The following ENTREP2 variants were observed in gnomAD, a reference collection of about 807,000 sequenced individuals.
The protein encoded by ENTREP2 is protein ENTREP2.
chr15:29,624,071 G>T, the ENTREP2 span, among the ~76,000 whole-genome samples: 1 of 152,158 alleles, frequency 6.6e-6, no homozygotes, highest in Non-Finnish European at 1.5e-5. Flanking sequence ...AGTTATAAAG[G>T]TAATTGTAAC....
chr15:29,622,154 G>A, the ENTREP2 span, among the ~76,000 whole-genome samples: 1 of 152,208 alleles, frequency 6.6e-6, no homozygotes, highest in African/African-American at 2.4e-5. Context: ...CACTGTGAAT[G>A]TATTTAACAC....
At chr15:29,393,737 TTTA>T in the ENTREP2 span, among the ~76,000 whole-genome samples, 1 of 78,924 alleles carries the variant, frequency 1.3e-5, no homozygotes, top group East Asian at 3.6e-4. Flanking sequence ...AGAGGCTACT[TTTA>T]TTTTTTTTTA....
the ENTREP2 span, among the ~76,000 whole-genome samples, chr15:29,608,639 C>CCGCCTCCCAGGTT: frequency 1.5e-3 from 223 of 151,474 alleles, 1 homozygote; most frequent in Admixed American, 0.014. Flanking sequence ...ACTGCAAGCT[C>CCGCCTCCCAGGTT]CGCCTCCCAG....
chr15:29,234,835 C>T, the ENTREP2 span: 1 of 1,431,236 alleles, frequency 7.0e-7, no homozygotes, highest in Non-Finnish European at 9.9e-7. Context: ...AAGGTAAGAA[C>T]TTTGCATTAG....
chr15:29,523,276 C>T, the ENTREP2 span, among the ~76,000 whole-genome samples: 1 of 152,166 alleles, frequency 6.6e-6, no homozygotes, highest in Non-Finnish European at 1.5e-5. Context: ...AATCAATACA[C>T]AGAAATCTGA....
At chr15:29,120,638 C>T in the ENTREP2 span, 5 of 152,294 alleles carry the variant, frequency 3.3e-5, no homozygotes, top group African/African-American at 1.2e-4. Flanking sequence ...GTGCCAACCC[C>T]CTTTGGGTCT....
the ENTREP2 span, among the ~76,000 whole-genome samples, chr15:29,351,864 C>T: frequency 6.6e-6 from 1 of 151,858 alleles, no homozygotes; most frequent in African/African-American, 2.4e-5. Context: ...GTTGCCAACT[C>T]TTGGTCTCAA....
the ENTREP2 span, among the ~76,000 whole-genome samples, chr15:29,498,365 T>C: frequency 6.6e-6 from 1 of 152,180 alleles, no homozygotes; most frequent in Non-Finnish European, 1.5e-5. Flanking sequence ...TATTTTTTAA[T>C]TTTCCTACTG....
chr15:29,305,305 G>A, the ENTREP2 span, among the ~76,000 whole-genome samples: 3 of 152,250 alleles, frequency 2.0e-5, no homozygotes, highest in Non-Finnish European at 2.9e-5. Context: ...AGACTATTCT[G>A]AGTGAGACTG....
chr15:29,167,176 G>A, the ENTREP2 span, among the ~76,000 whole-genome samples: 2 of 152,150 alleles, frequency 1.3e-5, no homozygotes, highest in African/African-American at 2.4e-5. Context: ...ACTCAAGATG[G>A]ATTAAAGACT....
the ENTREP2 span, among the ~76,000 whole-genome samples, chr15:29,470,392 C>T: frequency 6.6e-6 from 1 of 152,176 alleles, no homozygotes; most frequent in Non-Finnish European, 1.5e-5. Context: ...TTACCTGCTT[C>T]GTCTCGGGGA....
At chr15:29,573,616 T>C in the ENTREP2 span, among the ~76,000 whole-genome samples, 1 of 149,598 alleles carries the variant, frequency 6.7e-6, no homozygotes, top group Non-Finnish European at 1.5e-5. Flanking sequence ...TCTCTCTTCT[T>C]TCTCTCTCTC....
the ENTREP2 span, among the ~76,000 whole-genome samples, chr15:29,244,383 AG>A: frequency 6.6e-6 from 1 of 152,248 alleles, no homozygotes; most frequent in Non-Finnish European, 1.5e-5. Context: ...GAATAAAACA[AG>A]GGTGTTAAAA....
the ENTREP2 span, among the ~76,000 whole-genome samples, chr15:29,243,059 G>A: frequency 6.6e-6 from 1 of 152,224 alleles, no homozygotes; most frequent in Non-Finnish European, 1.5e-5. Flanking sequence ...GCCACGGCGA[G>A]GATGCTGGAC....
the ENTREP2 span, among the ~76,000 whole-genome samples, chr15:29,657,291 A>C: frequency 1.3e-5 from 2 of 150,374 alleles, no homozygotes; most frequent in African/African-American, 2.5e-5. Flanking sequence ...AAATCTCTCG[A>C]CCTCCTGATC....
the ENTREP2 span, among the ~76,000 whole-genome samples, chr15:29,248,491 T>C: frequency 1.9e-4 from 29 of 152,080 alleles, no homozygotes; most frequent in African/African-American, 7.0e-4. Flanking sequence ...TTATAAATCA[T>C]TGATAAATAT....
the ENTREP2 span, among the ~76,000 whole-genome samples, chr15:29,229,757 C>T: frequency 2.6e-5 from 4 of 152,166 alleles, no homozygotes; most frequent in African/African-American, 4.8e-5. Context: ...CTTTTCTCTA[C>T]TTGCTCCTGT....
the ENTREP2 span, among the ~76,000 whole-genome samples, chr15:29,479,251 C>T: frequency 3.3e-5 from 5 of 151,508 alleles, no homozygotes; most frequent in South Asian, 6.3e-4. Context: ...CTCCGACCCC[C>T]GCTCCTGCTC....
the ENTREP2 span, among the ~76,000 whole-genome samples, chr15:29,131,766 C>G: frequency 1.4e-5 from 2 of 144,960 alleles, no homozygotes; most frequent in South Asian, 2.4e-4. Context: ...GGGATTCTGT[C>G]CTACATCCTC....
Sources: gnomAD v4.1 joint callset for allele counts (sites outside exome capture counted in the v4.1 genomes callset) on GRCh38, gnomAD v4.1.1 for gene constraint, MANE v1.5 for transcripts, NCBI Gene and HGNC (gene_info 2026-07-23, HGNC 2026-07-21) for gene names.